The following CADPS2 variants were observed in gnomAD, a reference collection of about 807,000 sequenced individuals.
CADPS2 encodes the protein calcium dependent secretion activator 2, also known as calcium-dependent secretion activator 2.
CADPS2 carries 93 observed loss-of-function variants against 172.5 expected under a neutral mutation model. The observed-to-expected ratio is 0.54, with a 90% confidence interval of 0.46 to 0.64. CADPS2 has a LOEUF of 0.64. Among genes scored for constraint, CADPS2 ranks in the 30% least tolerant of loss-of-function variants. The probability of loss-of-function intolerance (pLI) is 0.00; values close to 1 mark genes in which losing one functional copy is unlikely to be tolerated. For synonymous variants in CADPS2, 546 were observed against 555.2 expected (o/e 0.98, Z 0.23); for missense variants, 1,420 against 1,565.9 (o/e 0.91, Z 1.57).
At chr7:122,492,062 C>T (rs2058335655) in intron 9 of CADPS2, among the ~76,000 whole-genome samples, 1 of 152,062 alleles carries the variant, frequency 6.6e-6, no homozygotes, top group African/African-American at 2.4e-5. Context: ...GTCCCAGCAA[C>T]TCTGGAGGCT....
chr7:122,370,728 G>C (rs1454520377), intron 25 of CADPS2, among the ~76,000 whole-genome samples: 1 of 151,884 alleles, frequency 6.6e-6, no homozygotes, highest in Non-Finnish European at 1.5e-5. Context: ...TGAATTATCA[G>C]AAGAAAGCAA....
At chr7:122,568,039 A>G (rs2066693882) in intron 7 of CADPS2, among the ~76,000 whole-genome samples, 1 of 152,184 alleles carries the variant, frequency 6.6e-6, no homozygotes, top group South Asian at 2.1e-4. Flanking sequence ...CAAGAAATAT[A>G]GTCTAAGTGT....
At chr7:122,695,369 C>A (rs945645841) in intron 2 of CADPS2, among the ~76,000 whole-genome samples, 1 of 152,122 alleles carries the variant, frequency 6.6e-6, no homozygotes, top group African/African-American at 2.4e-5. Flanking sequence ...ATGTTTGCAT[C>A]ACTAGGTACA....
At chr7:122,850,747 C>A (rs1813345744) in intron 1 of CADPS2, among the ~76,000 whole-genome samples, 1 of 152,186 alleles carries the variant, frequency 6.6e-6, no homozygotes, top group African/African-American at 2.4e-5. Flanking sequence ...GTCCACAAAG[C>A]CTTATTATCA....
chr7:122,440,719 C>T (rs1168674855), intron 16 of CADPS2, among the ~76,000 whole-genome samples: 1 of 152,046 alleles, frequency 6.6e-6, no homozygotes, highest in Non-Finnish European at 1.5e-5. Context: ...TGGACAAGAT[C>T]AAGTGTTAGA....
At chr7:122,531,374 C>T (rs2061738881) in intron 8 of CADPS2, among the ~76,000 whole-genome samples, 1 of 152,082 alleles carries the variant, frequency 6.6e-6, no homozygotes, top group Non-Finnish European at 1.5e-5. Flanking sequence ...GTTCCAGCCT[C>T]ACAGTCTAGT....
At chr7:122,635,907 A>T (rs1588014793) in intron 3 of CADPS2, among the ~76,000 whole-genome samples, 1 of 138,778 alleles carries the variant, frequency 7.2e-6, no homozygotes, top group East Asian at 2.2e-4. Context: ...ATTCTATCTG[A>T]TATGAGAATA....
At chr7:122,606,362 A>G (rs748142718) in intron 6 of CADPS2, among the ~76,000 whole-genome samples, 3 of 152,154 alleles carry the variant, frequency 2.0e-5, no homozygotes, top group Non-Finnish European at 4.4e-5. Context: ...ACTCAGTCCT[A>G]TTAAAAATAT....
intron 1 of CADPS2, among the ~76,000 whole-genome samples, chr7:122,828,429 T>A: frequency 6.6e-6 from 1 of 152,142 alleles, no homozygotes; most frequent in South Asian, 2.1e-4. Context: ...ATGTTCATAT[T>A]AAGTCTGTGA....
chr7:122,651,846 T>C (rs978593696), intron 3 of CADPS2, among the ~76,000 whole-genome samples: 1 of 152,204 alleles, frequency 6.6e-6, no homozygotes, highest in East Asian at 1.9e-4. Context: ...AGGAAAATTA[T>C]AGGAGTAGAT....
chr7:122,840,985 A>G (rs1391635851), intron 1 of CADPS2, among the ~76,000 whole-genome samples: 1 of 152,210 alleles, frequency 6.6e-6, no homozygotes, highest in Non-Finnish European at 1.5e-5. Context: ...AAATGCTTAA[A>G]CTGAGCAAGA....
intron 1 of CADPS2, among the ~76,000 whole-genome samples, chr7:122,769,531 C>T (rs2093650857): frequency 6.6e-6 from 1 of 152,212 alleles, no homozygotes; most frequent in Non-Finnish European, 1.5e-5. Flanking sequence ...AAGCACAGAG[C>T]TTAAAACGGA....
chr7:122,360,555 G>T (rs59000280), intron 27 of CADPS2, among the ~76,000 whole-genome samples: 4,097 of 152,212 alleles, frequency 0.027, 192 homozygotes, highest in African/African-American at 0.094. Context: ...CAACTCAGGT[G>T]ATATGTTCTT....
At chr7:122,638,329 C>T (rs1349361493) in intron 3 of CADPS2, among the ~76,000 whole-genome samples, 1 of 152,132 alleles carries the variant, frequency 6.6e-6, no homozygotes, top group Non-Finnish European at 1.5e-5. Context: ...TCCTCCCCAC[C>T]CCCTGCTTGG....
At position 122,883,802 on chromosome 7, in the gene CADPS2, G is replaced by A. The variant is rs148979442; in HGVS notation, c.339+2197C>T. ...AGTTAACCTGTGCTCAATGCTCTAA[G>A]CATTTAGAATGTGGAAATTCCTAAG... On this transcript the variant is annotated intron_variant, in intron 1 of 29. Transcript: ENST00000449022. Among the ~76,000 whole-genome samples the A allele has an allele frequency of 3.7e-4, 57 of 152,204 alleles. 2 individuals carry two copies. The highest frequency in any genetic ancestry group is 1.3e-3 in the African/African-American group (56 of 41,508).
At chr7:122,825,680 A>G (rs1438729057) in intron 1 of CADPS2, among the ~76,000 whole-genome samples, 2 of 152,190 alleles carry the variant, frequency 1.3e-5, no homozygotes, top group African/African-American at 4.8e-5. Flanking sequence ...ACATTCTTTA[A>G]CTTTTTTTAA....
intron 8 of CADPS2, among the ~76,000 whole-genome samples, chr7:122,527,874 CAG>C (rs2061402830): frequency 6.6e-6 from 1 of 151,822 alleles, no homozygotes; most frequent in South Asian, 2.1e-4. Flanking sequence ...TCCCCCAAAA[CAG>C]AGAGAGAAGG....
intron 14 of CADPS2, 134 bp downstream of exon 14, chr7:122,471,241 G>GTGTTT: frequency 2.0e-6 from 1 of 489,060 alleles, no homozygotes. Flanking sequence ...TTTCTCTGTC[G>GTGTTT]TTTTTTTTTT....
chr7:122,523,217 A>C (rs1235105624), intron 8 of CADPS2, among the ~76,000 whole-genome samples: 2 of 152,148 alleles, frequency 1.3e-5, no homozygotes, highest in African/African-American at 2.4e-5. Flanking sequence ...CATTCTCCAT[A>C]TCTTCTCCAG....
Sources: allele counts gnomAD v4.1 joint callset (sites outside exome capture counted in the v4.1 genomes callset), GRCh38; gene constraint gnomAD v4.1.1; transcripts MANE v1.5; gene names NCBI Gene and HGNC (gene_info 2026-07-23, HGNC 2026-07-21).